Variants in MDFIC observed in about 807,000 individuals in gnomAD.
The protein encoded by MDFIC is MyoD family inhibitor domain containing.
In MDFIC, 17 loss-of-function variants were observed where a neutral mutation model predicts 23.2. The ratio of observed to expected loss-of-function variants is 0.73; its 90% CI spans 0.50 to 1.10. The LOEUF (loss-of-function observed/expected upper bound fraction) is 1.10, where lower values mean the gene tolerates loss of function less well. Among genes scored for constraint, MDFIC ranks in the 50% least tolerant of loss-of-function variants. The pLI, the probability that MDFIC is intolerant of heterozygous loss-of-function variation, is 0.00. For synonymous variants in MDFIC, 120 were observed against 115.2 expected, an observed-to-expected ratio of 1.04 and a Z score of -0.27; for missense variants, 356 against 316.6, an observed-to-expected ratio of 1.12 and a Z score of -0.95.
At position 114,922,354 on chromosome 7, in the gene MDFIC, GA is replaced by G. The variant is rs1792096741; in HGVS notation, c.-389del. 8.4e-7 allele frequency: 1 copy of G among 1,190,970 alleles called. No homozygotes were observed. The highest frequency in any genetic ancestry group is 1.1e-6 in the Non-Finnish European group (1 of 949,950). 73.8% of individuals were successfully genotyped at this position (1,190,970 alleles called of 1,614,324 possible). A position where few individuals can be genotyped will look rare whatever the true frequency, so the allele number is the denominator to read the frequency against. On this transcript the variant is annotated 5_prime_UTR_variant, in exon 1 of 5. Transcript: ENST00000393486. Reference sequence around the variant, plus strand: ...GTGGAAGAGGGGAAAGAGAGGCAGAGAGGGGGAAGGCCCCCTCGCAGGGGAG... The same window carrying G: ...GTGGAAGAGGGGAAAGAGAGGCAGAGGGGGGAAGGCCCCCTCGCAGGGGAG...
chr7:114,928,737 C>T (rs912632010), intron 2 of MDFIC, among the ~76,000 whole-genome samples: 1 of 152,086 alleles, frequency 6.6e-6, no homozygotes, highest in African/African-American at 2.4e-5. Flanking sequence ...GGACAGGAAC[C>T]ACTTGTGTTT....
At chr7:114,968,560 T>C (rs1269368188) in intron 3 of MDFIC, among the ~76,000 whole-genome samples, 3 of 152,246 alleles carry the variant, frequency 2.0e-5, no homozygotes, top group Non-Finnish European at 4.4e-5. Context: ...ATTTTCTATA[T>C]GGGTTGGACA....
intron 4 of MDFIC, chr7:115,014,328 T>TTA: frequency 8.0e-7 from 1 of 1,243,976 alleles, no homozygotes; most frequent in East Asian, 5.8e-5. Context: ...GCCAAGGAAG[T>TTA]TATAGTAGAG....
At chr7:114,966,783 A>G (rs1268897276) in intron 3 of MDFIC, among the ~76,000 whole-genome samples, 1 of 152,188 alleles carries the variant, frequency 6.6e-6, no homozygotes. Context: ...GAAGATTTTG[A>G]TGCCACAGGG....
intron 3 of MDFIC, among the ~76,000 whole-genome samples, chr7:114,962,383 T>C (rs1208608423): frequency 6.6e-6 from 1 of 152,220 alleles, no homozygotes; most frequent in Non-Finnish European, 1.5e-5. Context: ...GCTATATTAA[T>C]AGAAAATAAT....
At chr7:115,000,392 T>G (rs763358480) in intron 4 of MDFIC, among the ~76,000 whole-genome samples, 2 of 152,190 alleles carry the variant, frequency 1.3e-5, no homozygotes, top group Non-Finnish European at 2.9e-5. Flanking sequence ...TGTCCCTGTA[T>G]TTAAACATAA....
chr7:114,973,712 T>C (rs572837033), intron 3 of MDFIC, among the ~76,000 whole-genome samples: 1 of 152,290 alleles, frequency 6.6e-6, no homozygotes, highest in African/African-American at 2.4e-5. Context: ...GTAGTTGTAC[T>C]TCCTGTTGTC....
chr7:114,995,901 C>A (rs925752473), intron 4 of MDFIC, among the ~76,000 whole-genome samples: 1 of 152,164 alleles, frequency 6.6e-6, no homozygotes, highest in Non-Finnish European at 1.5e-5. Context: ...CTGTCTTCTG[C>A]GTCACTCATG....
At chr7:114,925,325 A>T (rs2709508) in intron 2 of MDFIC, among the ~76,000 whole-genome samples, 1 of 152,118 alleles carries the variant, frequency 6.6e-6, no homozygotes, top group Non-Finnish European at 1.5e-5. Context: ...GGATTCTCTA[A>T]TCTGAACTCC....
At chr7:114,966,985 A>AT (rs1226769743) in intron 3 of MDFIC, among the ~76,000 whole-genome samples, 2 of 152,202 alleles carry the variant, frequency 1.3e-5, no homozygotes, top group Non-Finnish European at 2.9e-5. Context: ...TTTTTAAAAA[A>AT]ATATATCTAC....
chr7:114,951,532 T>C (rs1792770617), intron 3 of MDFIC, among the ~76,000 whole-genome samples: 2 of 152,184 alleles, frequency 1.3e-5, no homozygotes, highest in Admixed American at 6.5e-5. Flanking sequence ...TGTGTGTTTA[T>C]TTTTTTCTTA....
chr7:114,973,766 A>G (rs1486605806), intron 3 of MDFIC, among the ~76,000 whole-genome samples: 1 of 152,200 alleles, frequency 6.6e-6, no homozygotes, highest in Non-Finnish European at 1.5e-5. Context: ...AACTAATGTT[A>G]AAAATTCTGT....
At chr7:114,952,765 T>C (rs1030197588) in intron 3 of MDFIC, among the ~76,000 whole-genome samples, 1 of 152,216 alleles carries the variant, frequency 6.6e-6, no homozygotes, top group Admixed American at 6.6e-5. Context: ...CATGCCAGTG[T>C]GATCATAATA....
intron 2 of MDFIC, chr7:114,923,666 A>T (rs1403117107): frequency 7.1e-7 from 1 of 1,415,924 alleles, no homozygotes; most frequent in Non-Finnish European, 9.2e-7. Context: ...ACACTTTCCA[A>T]GAATGAATTA....
intron 3 of MDFIC, among the ~76,000 whole-genome samples, chr7:114,974,880 G>C (rs536857615): frequency 6.6e-5 from 10 of 151,294 alleles, no homozygotes; most frequent in African/African-American, 1.9e-4. Flanking sequence ...TATTCATCAT[G>C]GATATTAAAA....
Position 114,922,425 on chromosome 7 carries a change from A to T in MDFIC, c.-319A>T, listed in dbSNP as rs569297783. On this transcript the variant is annotated 5_prime_UTR_variant, in exon 1 of 5. Coordinates refer to ENST00000393486, the MANE Select transcript of MDFIC (RefSeq NM_001166345.3). ...TGGAAAGAGGGGGCGGAGTGCGCGG[A>T]GTCAGAGCCGCCACCGCTGCCGCAG... 1 of 1,240,546 alleles carries T rather than the reference A, an allele frequency of 8.1e-7. No individual in the cohort carries two copies. Among genetic ancestry groups the T allele is most frequent in the Admixed American group, 4.2e-5 (1 of 23,732 alleles). 76.8% of individuals were successfully genotyped at this position (1,240,546 alleles called of 1,614,324 possible).
chr7:114,925,877 G>A (rs562228553), intron 2 of MDFIC, among the ~76,000 whole-genome samples: 16 of 152,234 alleles, frequency 1.1e-4, no homozygotes, highest in African/African-American at 3.6e-4. Flanking sequence ...CAGCTAATTT[G>A]TGATCTCTCA....
intron 4 of MDFIC, among the ~76,000 whole-genome samples, chr7:114,990,301 C>T (rs751533770): frequency 2.6e-5 from 4 of 151,558 alleles, no homozygotes; most frequent in African/African-American, 7.3e-5. Flanking sequence ...TATTTCCACC[C>T]GCAAAGTTTT....
rs972178809 is a variant in MDFIC, at chr7:114,927,842, A to C, written c.94+4715A>C. 6.6e-5 allele frequency among the ~76,000 whole-genome samples: 10 copies of C among 152,314 alleles called. No individual in the cohort carries two copies. In the East Asian group the frequency reaches 1.9e-3, roughly 29 times the overall value. ...GATTGTTAGAATTAAGTTTTATTAAATTTTGTGTGCTTTTAATGGTAACTC... is the reference window on the plus strand; with the variant it reads ...GATTGTTAGAATTAAGTTTTATTAACTTTTGTGTGCTTTTAATGGTAACTC... On this transcript the variant is annotated intron_variant, in intron 2 of 4. Coordinates refer to ENST00000393486, the MANE Select transcript of MDFIC (RefSeq NM_001166345.3).
Sources: gnomAD v4.1 joint callset for allele counts (sites outside exome capture counted in the v4.1 genomes callset) on GRCh38, gnomAD v4.1.1 for gene constraint, MANE v1.5 for transcripts, NCBI Gene and HGNC (gene_info 2026-07-23, HGNC 2026-07-21) for gene names.